The following RARB variants were observed in gnomAD, a reference collection of about 807,000 sequenced individuals.
RARB encodes retinoic acid receptor beta.
Under a neutral mutation model 51.9 loss-of-function variants are expected in RARB, and 17 were observed. That is an observed-to-expected ratio of 0.33 (90% CI 0.22 to 0.49). The LOEUF (loss-of-function observed/expected upper bound fraction) is 0.49. Ranked by LOEUF, RARB falls within the 20% of genes least tolerant of loss-of-function variation. The pLI is 0.99. For missense variants in RARB, 369 were observed against 550.8 expected (o/e 0.67, Z 3.30); for synonymous variants, 215 against 195.4 (o/e 1.10, Z -0.84).
intron 1 of RARB, among the ~76,000 whole-genome samples, chr3:24,831,684 G>GA (rs939283593): frequency 0.018 from 2,541 of 144,184 alleles, 55 homozygotes; most frequent in African/African-American, 0.058. Flanking sequence ...AAGCATGAAG[G>GA]AAAAAAAAAA....
chr3:25,580,499 A>C, intron 4 of RARB, 47 bp from the exon 5 acceptor site: 72 of 1,479,926 alleles, frequency 4.9e-5, no homozygotes, highest in Non-Finnish European at 5.9e-5. Context: ...CCCCTCCTAT[A>C]GAGCTTCCCG....
intron 5 of RARB, among the ~76,000 whole-genome samples, chr3:25,180,169 A>C (rs775429357): frequency 2.3e-4 from 35 of 152,176 alleles, no homozygotes; most frequent in Admixed American, 7.9e-4. Context: ...TTTACCTTCA[A>C]GTTACTTCTG....
chr3:25,435,864 T>A (rs1708410927), intron 1 of RARB, among the ~76,000 whole-genome samples: 3 of 152,192 alleles, frequency 2.0e-5, no homozygotes, highest in African/African-American at 7.2e-5. Flanking sequence ...GCATTTTAAT[T>A]ATATATACAT....
chr3:25,173,856 T>C (rs947128375), intron 4 of RARB, among the ~76,000 whole-genome samples: 5 of 152,190 alleles, frequency 3.3e-5, no homozygotes, highest in African/African-American at 9.7e-5. Flanking sequence ...GAGAAAAATT[T>C]AGCAGAGTGA....
At position 25,278,539 on chromosome 3, in the gene RARB, A is replaced by G. The variant is rs143898069; in HGVS notation, c.178+103964A>G. 1.9e-3 allele frequency among the ~76,000 whole-genome samples: 283 copies of G among 152,288 alleles called. 2 individuals carry two copies. The highest frequency in any genetic ancestry group is 6.6e-3 in the African/African-American group (276 of 41,568). On this transcript the variant is annotated intron_variant, in intron 5 of 11. Coordinates refer to the RARB transcript ENST00000383772. ...TATACAGGGGTACTGCCAAATATCT[A>G]TGGATGTGTAGATTTTATTTGTGCC...
At position 25,125,307 on chromosome 3, in the gene RARB, T is replaced by C. The variant is rs770438035; in HGVS notation, c.-327-6854T>C. The stretch of plus-strand genomic sequence containing the variant: ...CACTTTTGTGTATTCATTCAACAAA[T>C]AGTTATTATTTGCCTGGGAGGGTAC... On this transcript the variant is annotated intron_variant, in intron 3 of 11. Transcript: ENST00000383772. Among the ~76,000 whole-genome samples, 54 of 152,152 alleles carry C rather than the reference T, an allele frequency of 3.5e-4. 1 individual carries two copies. Among genetic ancestry groups the C allele is most frequent in the Admixed American group, 5.9e-4 (9 of 15,264 alleles).
At chr3:24,992,215 C>T (rs943286601) in intron 2 of RARB, among the ~76,000 whole-genome samples, 18 of 152,024 alleles carry the variant, frequency 1.2e-4, no homozygotes. Context: ...AGTAATCCTG[C>T]GTTTTGAGCT....
intron 2 of RARB, among the ~76,000 whole-genome samples, chr3:25,468,396 T>TTTTTTA (rs58115094): frequency 6.9e-6 from 1 of 144,064 alleles, no homozygotes; most frequent in Non-Finnish European, 1.5e-5. Flanking sequence ...TTTTTTTTTT[T>TTTTTTA]AACCCATAGC....
intron 3 of RARB, among the ~76,000 whole-genome samples, chr3:25,075,845 T>C (rs1268487784): frequency 6.6e-6 from 1 of 152,228 alleles, no homozygotes; most frequent in Non-Finnish European, 1.5e-5. Flanking sequence ...GATTTTAGGC[T>C]TATCAACTGA....
intron 5 of RARB, among the ~76,000 whole-genome samples, chr3:25,232,296 T>A (rs1403786968): frequency 6.6e-6 from 1 of 152,176 alleles, no homozygotes; most frequent in African/African-American, 2.4e-5. Flanking sequence ...CAAAATTGTT[T>A]AACAACTTCA....
chr3:25,099,716 A>T (rs1407789331), intron 3 of RARB, among the ~76,000 whole-genome samples: 1 of 151,572 alleles, frequency 6.6e-6, no homozygotes, highest in Non-Finnish European at 1.5e-5. Flanking sequence ...AGGTCACTGG[A>T]GTCCTTCCCT....
In RARB at chr3:25,261,895, A is replaced by G. The variant is rs79615619; in HGVS notation, c.178+87320A>G. 6.0e-3 allele frequency among the ~76,000 whole-genome samples: 918 copies of G among 151,910 alleles called. 11 individuals carry two copies. Among genetic ancestry groups the G allele is most frequent in the African/African-American group, 0.016 (650 of 41,436 alleles). ...TTCTCTTCTGACTCTCACTAATTCA[A>G]TCTCCACCATCTCCCATCTCAACCT... is the stretch of plus-strand genomic sequence containing the variant. On this transcript the variant is annotated intron_variant, in intron 5 of 11. Coordinates refer to the RARB transcript ENST00000383772.
intron 3 of RARB, among the ~76,000 whole-genome samples, chr3:25,531,029 G>A (rs748672311): frequency 3.3e-5 from 5 of 152,048 alleles, no homozygotes; most frequent in Admixed American, 6.6e-5. Flanking sequence ...CATAATTGCC[G>A]GAAACACAGG....
At chr3:25,350,450 G>A (rs1452414258) in intron 5 of RARB, among the ~76,000 whole-genome samples, 1 of 152,148 alleles carries the variant, frequency 6.6e-6, no homozygotes, top group African/African-American at 2.4e-5. Flanking sequence ...GGAGTGCAAG[G>A]ACATGTGTCT....
intron 5 of RARB, among the ~76,000 whole-genome samples, chr3:25,416,503 C>T (rs1017625803): frequency 6.6e-6 from 1 of 152,308 alleles, no homozygotes; most frequent in Admixed American, 6.5e-5. Context: ...TAGATTTCAT[C>T]TTCAAAGCCA....
chr3:25,078,510 A>G (rs1029865891), intron 3 of RARB, among the ~76,000 whole-genome samples: 1 of 150,422 alleles, frequency 6.6e-6, no homozygotes, highest in African/African-American at 2.5e-5. Flanking sequence ...TAACTTTAAG[A>G]TAGTGCAAGT....
chr3:25,517,187 T>C (rs1698204649), intron 3 of RARB, among the ~76,000 whole-genome samples: 1 of 152,150 alleles, frequency 6.6e-6, no homozygotes, highest in South Asian at 2.1e-4. Flanking sequence ...AGAGCAAATA[T>C]TAGGAAACCC....
intron 4 of RARB, among the ~76,000 whole-genome samples, chr3:25,136,760 G>A (rs1700036910): frequency 6.6e-6 from 1 of 152,028 alleles, no homozygotes; most frequent in South Asian, 2.1e-4. Flanking sequence ...GATGGGGGGA[G>A]AGTTTGGGGA....
At chr3:25,383,587 T>C (rs1207869795) in intron 5 of RARB, among the ~76,000 whole-genome samples, 2 of 152,240 alleles carry the variant, frequency 1.3e-5, no homozygotes, top group African/African-American at 4.8e-5. Context: ...TTATCTCATA[T>C]GGTAACCACT....
Sources: allele counts gnomAD v4.1 joint callset (sites outside exome capture counted in the v4.1 genomes callset), GRCh38; gene constraint gnomAD v4.1.1; transcripts MANE v1.5; gene names NCBI Gene and HGNC (gene_info 2026-07-23, HGNC 2026-07-21).